BICC1: variants seen among roughly 807,000 people sequenced by gnomAD.
BICC1 encodes protein bicaudal C homolog 1.
BICC1 carries 43 observed loss-of-function variants against 111.0 expected under a neutral mutation model. The observed-to-expected ratio is 0.39, with a 90% CI of 0.30 to 0.50. BICC1 has a LOEUF of 0.50. Among genes scored for constraint, BICC1 ranks in the 20% least tolerant of loss-of-function variants. The probability of loss-of-function intolerance (pLI) is 0.88; values close to 1 mark genes in which losing one functional copy is unlikely to be tolerated. For synonymous variants in BICC1, 467 were observed against 434.4 expected, an observed-to-expected ratio of 1.07 and a Z score of -0.93; for missense variants, 1,091 against 1,203.2, an observed-to-expected ratio of 0.91 and a Z score of 1.38.
At chr10:58,693,645 T>G (rs538390145) in intron 2 of BICC1, among the ~76,000 whole-genome samples, 1 of 151,962 alleles carries the variant, frequency 6.6e-6, no homozygotes, top group Admixed American at 6.6e-5. Flanking sequence ...GTCTTTTGGC[T>G]GCATAAATGT....
At chr10:58,726,555 A>G (rs1841113286) in intron 3 of BICC1, among the ~76,000 whole-genome samples, 1 of 152,222 alleles carries the variant, frequency 6.6e-6, no homozygotes, top group South Asian at 2.1e-4. Flanking sequence ...ATACTCAAGT[A>G]TCACATGTAT....
intron 3 of BICC1, among the ~76,000 whole-genome samples, chr10:58,707,552 CAG>C (rs1220639443): frequency 3.3e-5 from 5 of 151,994 alleles, no homozygotes; most frequent in Admixed American, 6.6e-5. Context: ...TTTTTTGAGA[CAG>C]AGTCTCACTC....
At chr10:58,824,121 A>G (rs1844328626) in intron 20 of BICC1, 2 of 982,854 alleles carry the variant, frequency 2.0e-6, no homozygotes, top group Non-Finnish European at 2.4e-6. Flanking sequence ...GATTTCTCAG[A>G]TTTGTATTCC....
At position 58,817,764 on chromosome 10, in the gene BICC1, G is replaced by A. The variant is rs570523403; in HGVS notation, c.2694+42G>A. ...TTTCCCAAGTATCTTTGTTTTGATT[G>A]TGTGTATGATGACTTCTAGAATGAA... On this transcript the variant is annotated intron_variant, in intron 19 of 20. Transcript: ENST00000373886. 2.0e-5 allele frequency: 31 copies of A among 1,556,718 alleles called. 1 individual carries two copies. In the Admixed American group the frequency reaches 2.9e-4, roughly 15 times the overall value.
chr10:58,774,078 CTA>C (rs1207912771), intron 3 of BICC1, among the ~76,000 whole-genome samples: 4 of 151,982 alleles, frequency 2.6e-5, no homozygotes, highest in Non-Finnish European at 5.9e-5. Context: ...ATGGCCTTCA[CTA>C]ACTATTTGCC....
intron 6 of BICC1, among the ~76,000 whole-genome samples, chr10:58,788,906 C>G (rs1589138810): frequency 6.6e-6 from 1 of 152,072 alleles, no homozygotes; most frequent in Admixed American, 6.5e-5. Flanking sequence ...GACAACATAG[C>G]AAGACCCTGT....
chr10:58,576,402 A>T (rs1395614274), intron 1 of BICC1, among the ~76,000 whole-genome samples: 1 of 151,236 alleles, frequency 6.6e-6, no homozygotes, highest in East Asian at 1.9e-4. Context: ...TTACTACAAG[A>T]ATTTCTAAAT....
At chr10:58,521,988 A>G (rs774693455) in intron 1 of BICC1, among the ~76,000 whole-genome samples, 32 of 151,662 alleles carry the variant, frequency 2.1e-4, no homozygotes, top group Non-Finnish European at 4.0e-4. Flanking sequence ...GTTAAGAATC[A>G]GACTCTTTTC....
chr10:58,694,871 A>G (rs758969734), intron 2 of BICC1, among the ~76,000 whole-genome samples: 34 of 152,046 alleles, frequency 2.2e-4, no homozygotes, highest in Non-Finnish European at 2.1e-4. Context: ...TGAGAGGTGG[A>G]GCTTTCAGAG....
intron 3 of BICC1, among the ~76,000 whole-genome samples, chr10:58,726,169 A>G (rs750968351): frequency 1.1e-4 from 16 of 152,216 alleles, no homozygotes; most frequent in Admixed American, 2.0e-4. Flanking sequence ...TGAATGGGAA[A>G]AGTTAAAAAT....
chr10:58,630,984 A>G (rs1437749767), intron 2 of BICC1, among the ~76,000 whole-genome samples: 5 of 152,154 alleles, frequency 3.3e-5, no homozygotes, highest in African/African-American at 7.2e-5. Flanking sequence ...TATAAAGTAT[A>G]TATGTTTCTT....
intron 3 of BICC1, among the ~76,000 whole-genome samples, chr10:58,735,747 TCA>T (rs1423456699): frequency 1.3e-5 from 2 of 152,216 alleles, no homozygotes; most frequent in African/African-American, 4.8e-5. Context: ...TTTAAGATCC[TCA>T]GTGAATATTG....
intron 1 of BICC1, among the ~76,000 whole-genome samples, chr10:58,602,635 A>G (rs1845077816): frequency 6.6e-6 from 1 of 152,196 alleles, no homozygotes; most frequent in African/African-American, 2.4e-5. Flanking sequence ...ATGTCTTGAG[A>G]GAAGGGGATC....
At chr10:58,731,804 A>T (rs1292173998) in intron 3 of BICC1, among the ~76,000 whole-genome samples, 1 of 152,092 alleles carries the variant, frequency 6.6e-6, no homozygotes, top group Non-Finnish European at 1.5e-5. Context: ...CATTGTTGTC[A>T]TGACAGTACC....
chr10:58,636,597 C>T (rs138790304), intron 2 of BICC1, among the ~76,000 whole-genome samples: 2 of 151,328 alleles, frequency 1.3e-5, no homozygotes, highest in East Asian at 3.9e-4. Flanking sequence ...CCTCCTCCTC[C>T]TCCTTCTCCC....
intron 1 of BICC1, among the ~76,000 whole-genome samples, chr10:58,535,115 AG>A (rs1842792232): frequency 6.6e-6 from 1 of 151,760 alleles, no homozygotes; most frequent in Admixed American, 6.6e-5. Context: ...AAAGAATTAT[AG>A]GTTTTCCTGA....
At chr10:58,667,068 T>C (rs1286295695) in intron 2 of BICC1, among the ~76,000 whole-genome samples, 1 of 152,054 alleles carries the variant, frequency 6.6e-6, no homozygotes, top group African/African-American at 2.4e-5. Flanking sequence ...AAATTTCAAT[T>C]TAGTGCCACT....
At chr10:58,763,572 G>A (rs1050235563) in intron 3 of BICC1, among the ~76,000 whole-genome samples, 1 of 152,162 alleles carries the variant, frequency 6.6e-6, no homozygotes, top group Non-Finnish European at 1.5e-5. Flanking sequence ...GATCCTTGAG[G>A]AGTTAAGTTC....
chr10:58,804,756 G>A lies in BICC1; in HGVS notation c.2181+1514G>A, dbSNP rs191357765. On this transcript the variant is annotated intron_variant, in intron 15 of 20. Transcript: ENST00000373886. ...GCATGTTCTTAATGTTTGAGTTTCA[G>A]CCTAACTCGATGTATTTATGTTGTT... 2.1e-4 allele frequency among the ~76,000 whole-genome samples: 32 copies of A among 152,108 alleles called. No individual in the cohort carries two copies. The East Asian group carries it at 5.2e-3, about 25-fold the overall frequency.
Sources: allele counts gnomAD v4.1 joint callset (sites outside exome capture counted in the v4.1 genomes callset), GRCh38; gene constraint gnomAD v4.1.1; transcripts MANE v1.5; gene names NCBI Gene and HGNC (gene_info 2026-07-23, HGNC 2026-07-21).